KAZN: variants seen among roughly 807,000 people sequenced by gnomAD.
KAZN encodes kazrin.
A neutral mutation model predicts 87.4 loss-of-function variants in KAZN; 40 were observed. That is an observed-to-expected ratio of 0.46 (90% CI 0.36 to 0.60). The LOEUF is 0.60. Ranked by LOEUF, KAZN falls within the 20% of genes least tolerant of loss-of-function variation. The pLI is 0.00. For synonymous variants in KAZN, 466 were observed against 458.3 expected (o/e 1.02, Z -0.22); for missense variants, 898 against 1,073.9 (o/e 0.84, Z 2.29).
intron 13 of KAZN, among the ~76,000 whole-genome samples, chr1:15,109,371 A>G (rs548791818): frequency 6.6e-6 from 1 of 152,282 alleles, no homozygotes; most frequent in East Asian, 1.9e-4. Flanking sequence ...CCTCGCTCAG[A>G]GGAAAAAAAA....
intron 2 of KAZN, among the ~76,000 whole-genome samples, chr1:14,475,045 A>C (rs1668644214): frequency 6.6e-6 from 1 of 151,886 alleles, no homozygotes; most frequent in Admixed American, 6.6e-5. Context: ...TTGTAGATGG[A>C]TATTGGATGG....
At chr1:14,904,887 A>G (rs970904111) in intron 1 of KAZN, among the ~76,000 whole-genome samples, 1 of 151,956 alleles carries the variant, frequency 6.6e-6, no homozygotes, top group Non-Finnish European at 1.5e-5. Context: ...TCCGCCTCCC[A>G]AGTAGCTGGA....
At chr1:14,343,170 CA>C (rs1016056928) in intron 2 of KAZN, among the ~76,000 whole-genome samples, 50 of 151,818 alleles carry the variant, frequency 3.3e-4, no homozygotes, top group Non-Finnish European at 6.2e-4. Context: ...AAACAAACAA[CA>C]AAAAACTTTC....
chr1:14,472,437 C>A lies in KAZN; in HGVS notation c.250-126546C>A, dbSNP rs541156927. 2.0e-5 allele frequency among the ~76,000 whole-genome samples: 3 copies of A among 152,244 alleles called. No homozygotes were observed. In the East Asian group the frequency reaches 5.8e-4, roughly 29 times the overall value. On this transcript the variant is annotated intron_variant, in intron 2 of 16. Coordinates refer to the KAZN transcript ENST00000636203. The stretch of plus-strand genomic sequence containing the variant: ...TGATGGAGGCTCTACCATCTTATGA[C>A]AATGCCATATCAACATGAGGCTGGA...
intron 1 of KAZN, among the ~76,000 whole-genome samples, chr1:13,900,780 G>A (rs1221611940): frequency 1.3e-5 from 2 of 152,176 alleles, no homozygotes; most frequent in Non-Finnish European, 2.9e-5. Context: ...ATTTGCACAA[G>A]GAGAATAATA....
At chr1:14,600,597 CAT>C (rs1238728672) in intron 1 of KAZN, among the ~76,000 whole-genome samples, 2 of 144,728 alleles carry the variant, frequency 1.4e-5, no homozygotes, top group Non-Finnish European at 3.0e-5. Context: ...GCAAGCTTGA[CAT>C]GTGGTTATTC....
chr1:14,609,868 GA>G (rs1339320927), intron 1 of KAZN, among the ~76,000 whole-genome samples: 9 of 152,202 alleles, frequency 5.9e-5, no homozygotes, highest in African/African-American at 2.2e-4. Context: ...GCTGGTTATT[GA>G]ACCAACTTCC....
intron 1 of KAZN, among the ~76,000 whole-genome samples, chr1:14,956,214 C>T (rs1428216126): frequency 6.8e-6 from 1 of 147,638 alleles, no homozygotes; most frequent in Non-Finnish European, 1.5e-5. Flanking sequence ...AGCCAAGTCT[C>T]TTGGAATCCT....
intron 1 of KAZN, among the ~76,000 whole-genome samples, chr1:14,054,730 T>C (rs61777725): frequency 0.14 from 21,374 of 152,262 alleles, 1,898 homozygotes; most frequent in Middle Eastern, 0.27. Flanking sequence ...GATTGTTTGT[T>C]CATTTGCTTG....
chr1:14,852,752 ACTT>A (rs931317559), intron 1 of KAZN, among the ~76,000 whole-genome samples: 1 of 151,970 alleles, frequency 6.6e-6, no homozygotes, highest in Non-Finnish European at 1.5e-5. Flanking sequence ...CAGAAATATC[ACTT>A]CTTCTGCCCG....
intron 5 of KAZN, among the ~76,000 whole-genome samples, chr1:15,057,554 G>A (rs1023274968): frequency 6.6e-6 from 1 of 152,168 alleles, no homozygotes; most frequent in Non-Finnish European, 1.5e-5. Flanking sequence ...CCATTGAGTG[G>A]GATAGCAGCC....
At chr1:14,910,206 TC>T (rs1415815460) in intron 1 of KAZN, among the ~76,000 whole-genome samples, 1 of 152,148 alleles carries the variant, frequency 6.6e-6, no homozygotes, top group African/African-American at 2.4e-5. Flanking sequence ...TAACATTCAT[TC>T]CTGACCTTTA....
rs10458446 is a variant in KAZN at position 14,850,919 on chromosome 1, C to T, written c.227-109765C>T. ...GCTCTCAGAAGGAAACCTATTTCTC[C>T]ATTTGGGGTGTGGTTCCGAGGGCCT... On this transcript the variant is annotated intron_variant, in intron 1 of 14. Transcript: ENST00000376030. Among the ~76,000 whole-genome samples the T allele has an allele frequency of 9.1e-4, 139 of 152,272 alleles. 3 individuals carry two copies. The East Asian group carries it at 0.014, about 15-fold the overall frequency.
chr1:14,421,542 G>C (rs561100459), intron 2 of KAZN, among the ~76,000 whole-genome samples: 4 of 152,124 alleles, frequency 2.6e-5, no homozygotes, highest in Admixed American at 6.5e-5. Context: ...TTAGGACAGT[G>C]GCAAACTGTG....
chr1:15,011,580 C>CT (rs1336338158), intron 2 of KAZN, among the ~76,000 whole-genome samples: 1 of 152,116 alleles, frequency 6.6e-6, no homozygotes, highest in Non-Finnish European at 1.5e-5. Flanking sequence ...GTGTTACCTA[C>CT]TTATTGCATT....
chr1:14,855,253 T>G (rs1250782530), intron 1 of KAZN, among the ~76,000 whole-genome samples: 1 of 151,548 alleles, frequency 6.6e-6, no homozygotes, highest in East Asian at 1.9e-4. Flanking sequence ...CCTAAGACAC[T>G]GAAGTTATTT....
rs114186982 is a variant in KAZN at position 14,242,925 on chromosome 1, G to T, written c.249+62333G>T. ...CAGAAATGAATAAGTGAAACAAAAC[G>T]TAAGAACAGGTCATACAAGGATACG... On this transcript the variant is annotated intron_variant, in intron 2 of 16. Coordinates refer to the KAZN transcript ENST00000636203. Among the ~76,000 whole-genome samples, 1,172 of 152,238 alleles carry T rather than the reference G, an allele frequency of 7.7e-3. 14 individuals are homozygous for T. Among genetic ancestry groups the T allele is most frequent in the African/African-American group, 0.027 (1,118 of 41,542 alleles).
chr1:14,117,311 C>T (rs764553984), intron 1 of KAZN, among the ~76,000 whole-genome samples: 16 of 152,072 alleles, frequency 1.1e-4, no homozygotes, highest in Admixed American at 2.6e-4. Context: ...GCAGGTCTTT[C>T]CCGTGCTCTT....
chr1:14,833,148 C>G (rs1196850169), intron 1 of KAZN, among the ~76,000 whole-genome samples: 1 of 152,188 alleles, frequency 6.6e-6, no homozygotes, highest in Non-Finnish European at 1.5e-5. Flanking sequence ...ATGCCTCAGT[C>G]GAGTGCCCAT....
Sources: gnomAD v4.1 joint callset for allele counts (sites outside exome capture counted in the v4.1 genomes callset) on GRCh38, gnomAD v4.1.1 for gene constraint, MANE v1.5 for transcripts, NCBI Gene and HGNC (gene_info 2026-07-23, HGNC 2026-07-21) for gene names.